IL1RAPL2: variants seen among roughly 807,000 people sequenced by gnomAD.
The protein encoded by IL1RAPL2 is interleukin 1 receptor accessory protein like 2.
A neutral mutation model predicts 44.1 loss-of-function variants in IL1RAPL2; 3 were observed. That is an observed-to-expected ratio of 0.07 (90% CI 0.03 to 0.18). The LOEUF (loss-of-function observed/expected upper bound fraction) is 0.18, where lower values mean the gene tolerates loss of function less well. Among genes scored for constraint, IL1RAPL2 ranks in the 10% least tolerant of loss-of-function variants. IL1RAPL2 has a pLI of 1.00. For missense variants in IL1RAPL2, 391 were observed against 496.4 expected (o/e 0.79, Z 2.02); for synonymous variants, 181 against 178.8 (o/e 1.01, Z -0.10).
intron 2 of IL1RAPL2, among the ~76,000 whole-genome samples, chrX:105,190,392 T>C (rs944808692): frequency 3.9e-4 from 44 of 112,601 alleles, no homozygotes; most frequent in African/African-American, 1.4e-3. Flanking sequence ...TTAAAGCTTA[T>C]GTGGGGAAAA....
Position 105,540,902 on chromosome X carries a change from C to CATACATATATTATATATGATATATAATAT in IL1RAPL2, c.772+56542_772+56570dup, listed in dbSNP as rs1434331403. Among the ~76,000 whole-genome samples the CATACATATATTATATATGATATATAATAT allele has an allele frequency of 1.4e-3, 23 of 16,324 alleles. 4 individuals carry two copies. The highest frequency in any genetic ancestry group is 1.8e-3 in the Non-Finnish European group (16 of 8,809). 14.2% of individuals were successfully genotyped at this position (16,324 alleles called of 115,157 possible). A position where few individuals can be genotyped will look rare whatever the true frequency, so the allele number is the denominator to read the frequency against. On this transcript the variant is annotated intron_variant, in intron 6 of 10. Coordinates refer to ENST00000372582, the MANE Select transcript of IL1RAPL2 (RefSeq NM_017416.2). The stretch of plus-strand genomic sequence containing the variant: ...CATATATTATATATGATATATAATA[C>CATACATATATTATATATGATATATAATAT]ATACATATATTATATATGATATATA...
chrX:105,399,775 T>C (rs754917192), intron 5 of IL1RAPL2, among the ~76,000 whole-genome samples: 1 of 111,276 alleles, frequency 9.0e-6, no homozygotes, highest in East Asian at 2.8e-4. Context: ...ATAGAAATTA[T>C]CCCTACTTCT....
chrX:104,936,724 G>A (rs1184048779), intron 2 of IL1RAPL2, among the ~76,000 whole-genome samples: 1 of 104,141 alleles, frequency 9.6e-6, no homozygotes, highest in African/African-American at 3.6e-5. Flanking sequence ...TCAGGTTCAC[G>A]CTATTCTCCT....
chrX:105,672,809 T>A (rs2037835442), intron 6 of IL1RAPL2, among the ~76,000 whole-genome samples: 2 of 112,171 alleles, frequency 1.8e-5, no homozygotes, highest in East Asian at 5.6e-4. Flanking sequence ...TGGACTATAA[T>A]AATTATTATC....
intron 2 of IL1RAPL2, among the ~76,000 whole-genome samples, chrX:105,162,784 C>T (rs984617903): frequency 1.8e-5 from 2 of 111,154 alleles, no homozygotes; most frequent in African/African-American, 6.6e-5. Flanking sequence ...GTTCTAGAGG[C>T]TGAGAAGTAA....
chrX:104,611,486 G>A (rs1447736107), intron 1 of IL1RAPL2, among the ~76,000 whole-genome samples: 2 of 110,662 alleles, frequency 1.8e-5, no homozygotes, highest in Admixed American at 9.7e-5. Context: ...AGTGGTGGAC[G>A]CCCCTCCCGT....
chrX:105,285,807 A>G (rs1185403799), intron 5 of IL1RAPL2, among the ~76,000 whole-genome samples: 2 of 112,058 alleles, frequency 1.8e-5, no homozygotes, highest in Non-Finnish European at 3.8e-5. Flanking sequence ...GCCTTCAGAG[A>G]GTTCTGCTAA....
chrX:105,539,812 A>G (rs1241966268), intron 6 of IL1RAPL2, among the ~76,000 whole-genome samples: 1 of 111,961 alleles, frequency 8.9e-6, no homozygotes, highest in Non-Finnish European at 1.9e-5. Context: ...GATGAACTTA[A>G]ACAATTGTAC....
chrX:104,682,831 T>C (rs748830540), intron 2 of IL1RAPL2, among the ~76,000 whole-genome samples: 4 of 112,166 alleles, frequency 3.6e-5, no homozygotes, highest in Non-Finnish European at 5.6e-5. Flanking sequence ...GTTGCAATTC[T>C]AGTTAAATGA....
intron 5 of IL1RAPL2, among the ~76,000 whole-genome samples, chrX:105,456,763 A>G (rs1423310047): frequency 4.5e-5 from 5 of 110,855 alleles, no homozygotes; most frequent in Non-Finnish European, 9.4e-5. Flanking sequence ...GTTTATTTAT[A>G]TTCTGTTCTT....
At chrX:104,573,616 C>G (rs776807059) in intron 1 of IL1RAPL2, among the ~76,000 whole-genome samples, 2 of 111,853 alleles carry the variant, frequency 1.8e-5, no homozygotes, top group African/African-American at 6.5e-5. Flanking sequence ...GTTTGGGAGA[C>G]AAATTAGATA....
intron 2 of IL1RAPL2, among the ~76,000 whole-genome samples, chrX:105,096,787 C>T (rs752344459): frequency 6.3e-5 from 7 of 111,446 alleles, no homozygotes; most frequent in Non-Finnish European, 3.8e-5. Flanking sequence ...TGCACAATCT[C>T]GTGAATATGC....
At chrX:105,107,052 C>T (rs907846254) in intron 2 of IL1RAPL2, among the ~76,000 whole-genome samples, 1 of 111,881 alleles carries the variant, frequency 8.9e-6, no homozygotes, top group African/African-American at 3.2e-5. Flanking sequence ...GCATTATTTG[C>T]CATCATGTAT....
intron 6 of IL1RAPL2, among the ~76,000 whole-genome samples, chrX:105,562,557 A>ACC (rs1569454282): frequency 1.8e-5 from 2 of 108,690 alleles, no homozygotes; most frequent in African/African-American, 6.7e-5. Flanking sequence ...ACATACACAC[A>ACC]CCACATAATA....
At chrX:105,527,184 G>A (rs892107910) in intron 6 of IL1RAPL2, among the ~76,000 whole-genome samples, 2 of 111,191 alleles carry the variant, frequency 1.8e-5, no homozygotes, top group African/African-American at 6.5e-5. Flanking sequence ...CTAGTTTCTA[G>A]AGTGAGTTGT....
At chrX:104,910,116 C>T (rs1924184236) in intron 2 of IL1RAPL2, among the ~76,000 whole-genome samples, 1 of 112,123 alleles carries the variant, frequency 8.9e-6, no homozygotes, top group Non-Finnish European at 1.9e-5. Flanking sequence ...GCCTGATTTT[C>T]CAGGTGCCGT....
chrX:105,607,104 T>G (rs757917279), intron 6 of IL1RAPL2, among the ~76,000 whole-genome samples: 2 of 111,594 alleles, frequency 1.8e-5, no homozygotes, highest in Non-Finnish European at 3.8e-5. Context: ...TTATCCTGAT[T>G]TGATCATTGC....
chrX:105,030,561 T>C (rs2031471083), intron 2 of IL1RAPL2, among the ~76,000 whole-genome samples: 1 of 111,941 alleles, frequency 8.9e-6, no homozygotes, highest in African/African-American at 3.2e-5. Flanking sequence ...GTTGTAGATA[T>C]GCACCATTAT....
In IL1RAPL2 at chrX:104,608,557, G is replaced by C. The variant is rs75706008; in HGVS notation, c.-20+41506G>C. Reference sequence around the variant, plus strand: ...TATATATTTAGGATAGTTAGCTCTTGTTGTTGAATTGATCCCTTTACCATT... The same window carrying C: ...TATATATTTAGGATAGTTAGCTCTTCTTGTTGAATTGATCCCTTTACCATT... On this transcript the variant is annotated intron_variant, in intron 1 of 10. Coordinates refer to ENST00000372582, the MANE Select transcript of IL1RAPL2 (RefSeq NM_017416.2). Among the ~76,000 whole-genome samples, 426 of 109,065 alleles carry C rather than the reference G, an allele frequency of 3.9e-3. 2 individuals are homozygous for C. The highest frequency in any genetic ancestry group is 0.013 in the African/African-American group (399 of 29,944). 94.7% of individuals were successfully genotyped at this position (109,065 alleles called of 115,157 possible). A position where few individuals can be genotyped will look rare whatever the true frequency, so the allele number is the denominator to read the frequency against.
Sources: allele counts gnomAD v4.1 joint callset (sites outside exome capture counted in the v4.1 genomes callset), GRCh38; gene constraint gnomAD v4.1.1; transcripts MANE v1.5; gene names NCBI Gene and HGNC (gene_info 2026-07-23, HGNC 2026-07-21).